Variants in TNR observed in about 807,000 individuals in gnomAD.
The protein encoded by TNR is tenascin-R.
TNR carries 45 observed loss-of-function variants against 150.4 expected under a neutral mutation model. That is an observed-to-expected ratio of 0.30 (90% CI 0.24 to 0.38). The LOEUF (loss-of-function observed/expected upper bound fraction) is 0.38. TNR is among the 10% of genes least tolerant of loss of function. The probability of loss-of-function intolerance (pLI) is 1.00; values close to 1 mark genes in which losing one functional copy is unlikely to be tolerated. For missense variants in TNR, 1,544 were observed against 1,759.1 expected (o/e 0.88, Z 2.19); for synonymous variants, 687 against 678.4 (o/e 1.01, Z -0.20).
intron 21 of TNR, among the ~76,000 whole-genome samples, chr1:175,328,101 C>G (rs1014644434): frequency 7.2e-5 from 11 of 152,132 alleles, no homozygotes; most frequent in African/African-American, 2.4e-4. Flanking sequence ...GAGTGAGACT[C>G]TATCTCAAAA....
intron 20 of TNR, among the ~76,000 whole-genome samples, chr1:175,331,103 C>CCT (rs1557868278): frequency 3.6e-5 from 2 of 55,786 alleles, no homozygotes; most frequent in Non-Finnish European, 7.5e-5. Flanking sequence ...CTTTCTTTCT[C>CCT]TCTCTCTTTC....
chr1:175,692,377 T>C (rs1666394833), intron 1 of TNR, among the ~76,000 whole-genome samples: 1 of 152,240 alleles, frequency 6.6e-6, no homozygotes, highest in African/African-American at 2.4e-5. Flanking sequence ...GGGAATTTAC[T>C]GGTTCTTGTC....
rs139491426 is a variant in TNR, at chr1:175,491,248, G to A, written c.-64+37021C>T. 1.8e-3 allele frequency among the ~76,000 whole-genome samples: 276 copies of A among 152,282 alleles called. 3 individuals are homozygous for A. Among genetic ancestry groups the A allele is most frequent in the Admixed American group, 0.017 (254 of 15,306 alleles). Reference sequence around the variant, plus strand: ...GAGCTTGGGGGAGGGAGATCATCAGGAAGAATAGCTAATGGATGCTGGGTT... The same window carrying A: ...GAGCTTGGGGGAGGGAGATCATCAGAAAGAATAGCTAATGGATGCTGGGTT... On this transcript the variant is annotated intron_variant, in intron 2 of 22. Transcript: ENST00000367674.
intron 2 of TNR, among the ~76,000 whole-genome samples, chr1:175,439,251 C>G (rs1655668442): frequency 1.3e-5 from 2 of 151,952 alleles, no homozygotes; most frequent in Admixed American, 6.6e-5. Flanking sequence ...CTTTGACAAA[C>G]CTGAGAAAAA....
chr1:175,608,527 G>C (rs12745265), intron 1 of TNR, among the ~76,000 whole-genome samples: 18,058 of 152,190 alleles, frequency 0.12, 1,489 homozygotes, highest in African/African-American at 0.23. Flanking sequence ...AAGGCAAAAG[G>C]CTGGATTTTA....
At position 175,323,283 on chromosome 1, in the gene TNR, C is replaced by A; in HGVS notation, c.*74G>T. 1 of 1,579,568 alleles carries A rather than the reference C, an allele frequency of 6.3e-7. No homozygotes were observed. The highest frequency in any genetic ancestry group is 1.1e-5 in the South Asian group (1 of 87,250). Reference sequence around the variant, plus strand: ...TGTTGCAAAACACATTGCTATTACCCTCCCCCCTTGTTTCATATTATAAAA... The same window carrying A: ...TGTTGCAAAACACATTGCTATTACCATCCCCCCTTGTTTCATATTATAAAA... On this transcript the variant is annotated 3_prime_UTR_variant, in exon 23 of 23. Coordinates refer to ENST00000367674, the MANE Select transcript of TNR (RefSeq NM_003285.3).
intron 2 of TNR, among the ~76,000 whole-genome samples, chr1:175,500,818 C>T (rs1404539240): frequency 6.6e-6 from 1 of 152,202 alleles, no homozygotes; most frequent in Admixed American, 6.5e-5. Context: ...AGACCTTTGG[C>T]TGGCTTTCCC....
At chr1:175,741,271 C>A (rs751224787) in intron 1 of TNR, among the ~76,000 whole-genome samples, 5 of 152,232 alleles carry the variant, frequency 3.3e-5, no homozygotes, top group Non-Finnish European at 7.3e-5. Context: ...TGGCTTCCCA[C>A]TTTAAGCGTC....
chr1:175,530,928 C>G (rs1197760973), intron 1 of TNR, among the ~76,000 whole-genome samples: 1 of 152,146 alleles, frequency 6.6e-6, no homozygotes, highest in Non-Finnish European at 1.5e-5. Flanking sequence ...TTACTGAGAG[C>G]CTTGTGAGTA....
chr1:175,565,813 C>CAT (rs1289580303), intron 1 of TNR, among the ~76,000 whole-genome samples: 1 of 152,088 alleles, frequency 6.6e-6, no homozygotes, highest in African/African-American at 2.4e-5. Context: ...TATGGTGTAT[C>CAT]ATACAATGAA....
chr1:175,652,698 C>T (rs1027001817), intron 1 of TNR, among the ~76,000 whole-genome samples: 1 of 152,190 alleles, frequency 6.6e-6, no homozygotes, highest in Non-Finnish European at 1.5e-5. Context: ...TCCCCTTTGC[C>T]TTCCACCATG....
intron 2 of TNR, among the ~76,000 whole-genome samples, chr1:175,492,774 G>A (rs1245852788): frequency 6.6e-6 from 1 of 152,140 alleles, no homozygotes; most frequent in Admixed American, 6.5e-5. Context: ...TTGGGTTGAT[G>A]ATTTTTATAG....
intron 1 of TNR, among the ~76,000 whole-genome samples, chr1:175,638,359 A>G (rs1664547907): frequency 6.6e-6 from 1 of 152,166 alleles, no homozygotes; most frequent in African/African-American, 2.4e-5. Context: ...CTTCTAGAGG[A>G]TGTTCAACCT....
intron 1 of TNR, among the ~76,000 whole-genome samples, chr1:175,707,575 A>C (rs1666875522): frequency 6.6e-6 from 1 of 152,192 alleles, no homozygotes; most frequent in Admixed American, 6.5e-5. Flanking sequence ...ACAGAATTGG[A>C]ACTCATCCTC....
chr1:175,388,462 T>C (rs1375061278), intron 7 of TNR, among the ~76,000 whole-genome samples: 1 of 152,228 alleles, frequency 6.6e-6, no homozygotes, highest in African/African-American at 2.4e-5. Context: ...CCTGAGTGCC[T>C]GATGAGGACA....
At chr1:175,609,739 T>C (rs1389305210) in intron 1 of TNR, among the ~76,000 whole-genome samples, 1 of 152,176 alleles carries the variant, frequency 6.6e-6, no homozygotes, top group Non-Finnish European at 1.5e-5. Flanking sequence ...TAAGAAGTAA[T>C]TGTCATACAA....
chr1:175,339,393 C>G (rs781297439), intron 18 of TNR, among the ~76,000 whole-genome samples: 6 of 152,192 alleles, frequency 3.9e-5, no homozygotes, highest in Non-Finnish European at 8.8e-5. Flanking sequence ...TCCTTAATAG[C>G]TGCAGAAAAG....
chr1:175,464,433 C>T (rs74860153), intron 2 of TNR, among the ~76,000 whole-genome samples: 106 of 152,172 alleles, frequency 7.0e-4, no homozygotes, highest in East Asian at 6.4e-3. Context: ...CCAAGGAAGA[C>T]GAGAAATTGG....
At chr1:175,564,868 C>G (rs528377542) in intron 1 of TNR, among the ~76,000 whole-genome samples, 2 of 152,316 alleles carry the variant, frequency 1.3e-5, no homozygotes, top group East Asian at 3.9e-4. Context: ...TCTTTGCCTG[C>G]CCTATGTCTG....
Sources: gnomAD v4.1 joint callset for allele counts (sites outside exome capture counted in the v4.1 genomes callset) on GRCh38, gnomAD v4.1.1 for gene constraint, MANE v1.5 for transcripts, NCBI Gene and HGNC (gene_info 2026-07-23, HGNC 2026-07-21) for gene names.